NFIB: variants seen among roughly 807,000 people sequenced by gnomAD.
NFIB encodes the protein nuclear factor I B, also known as nuclear factor 1 B-type.
In NFIB, 11 loss-of-function variants were observed where a neutral mutation model predicts 61.5. That is an observed-to-expected ratio of 0.18 (90% confidence interval 0.11 to 0.30). NFIB has a LOEUF of 0.30. NFIB is among the 10% of genes least tolerant of loss of function. NFIB has a pLI of 1.00. For missense variants in NFIB, 471 were observed against 608.9 expected, an observed-to-expected ratio of 0.77 and a Z score of 2.38; for synonymous variants, 260 against 216.5, an observed-to-expected ratio of 1.20 and a Z score of -1.76.
chr9:14,429,349 C>T, the NFIB span, among the ~76,000 whole-genome samples: 1 of 152,124 alleles, frequency 6.6e-6, no homozygotes, highest in African/African-American at 2.4e-5. Flanking sequence ...AGGTCAAGTC[C>T]AAAGTCAAGG....
At chr9:14,402,036 C>A (rs554402283), upstream of NFIB, among the ~76,000 whole-genome samples, 1 of 152,190 alleles carries the variant, frequency 6.6e-6, no homozygotes, top group Middle Eastern at 3.4e-3. Flanking sequence ...TAAAAAAATT[C>A]TTTTTACAAG....
intron 3 of NFIB, among the ~76,000 whole-genome samples, chr9:14,165,010 T>C (rs1394433476): frequency 2.0e-5 from 3 of 152,114 alleles, no homozygotes; most frequent in African/African-American, 7.2e-5. Flanking sequence ...TGAAGAAGAA[T>C]AGGCTCTACC....
chr9:14,457,582 T>TC, the NFIB span, among the ~76,000 whole-genome samples: 1 of 150,732 alleles, frequency 6.6e-6, no homozygotes, highest in Non-Finnish European at 1.5e-5. Flanking sequence ...GAGCTGGTTT[T>TC]TTTTTTGAAA....
intron 1 of NFIB, among the ~76,000 whole-genome samples, chr9:14,373,215 G>T (rs1390412886): frequency 6.6e-6 from 1 of 152,196 alleles, no homozygotes; most frequent in African/African-American, 2.4e-5. Flanking sequence ...AATCAGCTGT[G>T]GCCCAGGACC....
chr9:14,170,082 T>C (rs1215057038), intron 3 of NFIB, among the ~76,000 whole-genome samples: 2 of 152,210 alleles, frequency 1.3e-5, no homozygotes, highest in East Asian at 3.9e-4. Context: ...TTAAACATTA[T>C]GCTTAAATAT....
At chr9:14,277,354 C>CAT (rs386414482) in intron 2 of NFIB, among the ~76,000 whole-genome samples, 1 of 151,830 alleles carries the variant, frequency 6.6e-6, no homozygotes, top group Non-Finnish European at 1.5e-5. Context: ...GACACACACA[C>CAT]ACACACACAC....
At chr9:14,267,901 G>A (rs557829149) in intron 2 of NFIB, among the ~76,000 whole-genome samples, 53 of 152,268 alleles carry the variant, frequency 3.5e-4, no homozygotes, top group African/African-American at 1.2e-3. Context: ...GGGAGGCCAA[G>A]GTGGGAAGAT....
chr9:14,140,284 C>G (rs1337682927), intron 6 of NFIB, among the ~76,000 whole-genome samples: 1 of 152,158 alleles, frequency 6.6e-6, no homozygotes, highest in African/African-American at 2.4e-5. Flanking sequence ...ATTCAACCAT[C>G]TATGACAGCT....
At chr9:14,513,140 CAT>C in the NFIB span, among the ~76,000 whole-genome samples, 3 of 152,072 alleles carry the variant, frequency 2.0e-5, no homozygotes, top group African/African-American at 7.2e-5. Context: ...TCTTATTCAG[CAT>C]ATATTTATGT....
chr9:14,416,713 A>G, the NFIB span, among the ~76,000 whole-genome samples: 1 of 151,920 alleles, frequency 6.6e-6, no homozygotes, highest in Non-Finnish European at 1.5e-5. Flanking sequence ...GAAAGAAAAA[A>G]TTTTAATATA....
chr9:14,387,877 G>A (rs2061567242), intron 1 of NFIB, among the ~76,000 whole-genome samples: 1 of 152,190 alleles, frequency 6.6e-6, no homozygotes, highest in Non-Finnish European at 1.5e-5. Context: ...AGAGCACAGT[G>A]GGGTAAGCCG....
At chr9:14,502,939 A>G in the NFIB span, among the ~76,000 whole-genome samples, 1 of 151,970 alleles carries the variant, frequency 6.6e-6, no homozygotes, top group Admixed American at 6.6e-5. Flanking sequence ...GTGTCCTCAT[A>G]GCTTAGCTCC....
chr9:14,161,088 C>T (rs1031715941), intron 3 of NFIB, among the ~76,000 whole-genome samples: 1 of 152,124 alleles, frequency 6.6e-6, no homozygotes, highest in South Asian at 2.1e-4. Context: ...TTACTTTATA[C>T]TAGCTCTTTG....
chr9:14,381,317 G>C (rs1449570974), intron 1 of NFIB, among the ~76,000 whole-genome samples: 1 of 151,732 alleles, frequency 6.6e-6, no homozygotes, highest in African/African-American at 2.4e-5. Flanking sequence ...TCAGCCTCCT[G>C]AAGAGCTGAG....
chr9:14,267,315 A>G (rs903287053), intron 2 of NFIB, among the ~76,000 whole-genome samples: 68 of 152,328 alleles, frequency 4.5e-4, no homozygotes, highest in African/African-American at 1.5e-3. Context: ...TGATTCCACA[A>G]AAGTAGTCTA....
chr9:14,181,396 AG>A (rs2131453659), intron 2 of NFIB, among the ~76,000 whole-genome samples: 1 of 152,310 alleles, frequency 6.6e-6, no homozygotes, highest in South Asian at 2.1e-4. Flanking sequence ...AGTCTCCTGA[AG>A]ACAGTCAGAG....
At chr9:14,184,038 C>G (rs1415422241) in intron 2 of NFIB, among the ~76,000 whole-genome samples, 1 of 152,176 alleles carries the variant, frequency 6.6e-6, no homozygotes, top group African/African-American at 2.4e-5. Context: ...ACTTTTCAAT[C>G]CTTTCGTCCA....
At chr9:14,152,377 T>C (rs539206031) in intron 4 of NFIB, among the ~76,000 whole-genome samples, 17 of 152,142 alleles carry the variant, frequency 1.1e-4, no homozygotes, top group Admixed American at 7.2e-4. Flanking sequence ...AGGTAAGAAA[T>C]CCCACAGTAA....
rs2046917435 is a variant in NFIB at position 14,182,698 on chromosome 9, C to CTG, written c.563-2919_563-2918insCA. Among the ~76,000 whole-genome samples the CTG allele has an allele frequency of 9.5e-5, 12 of 126,774 alleles. 1 individual carries two copies. The Admixed American group carries it at 1.0e-3, about 11-fold the overall frequency. 83.2% of individuals were successfully genotyped at this position (126,774 alleles called of 152,430 possible). ...ACACCCCCCACCTCTCTCTCTCTCT[C>CTG]TCTCTCTCTCTGTGTGTGTGTGTGT... On this transcript the variant is annotated intron_variant, in intron 2 of 10. Transcript: ENST00000380953.
Sources: allele counts gnomAD v4.1 joint callset (sites outside exome capture counted in the v4.1 genomes callset), GRCh38; gene constraint gnomAD v4.1.1; transcripts MANE v1.5; gene names NCBI Gene and HGNC (gene_info 2026-07-23, HGNC 2026-07-21).